SLC5A4: variants seen among roughly 807,000 people sequenced by gnomAD.
The protein encoded by SLC5A4 is solute carrier family 5 member 4.
SLC5A4 carries 55 observed loss-of-function variants against 70.3 expected under a neutral mutation model. The ratio of observed to expected loss-of-function variants is 0.78; its 90% CI spans 0.63 to 0.98. The LOEUF (loss-of-function observed/expected upper bound fraction) is 0.98. SLC5A4 is among the 50% of genes least tolerant of loss of function. The pLI, the probability that SLC5A4 is intolerant of heterozygous loss-of-function variation, is 0.00. For missense variants in SLC5A4, 735 were observed against 839.2 expected, an observed-to-expected ratio of 0.88 and a Z score of 1.53; for synonymous variants, 268 against 305.7, an observed-to-expected ratio of 0.88 and a Z score of 1.29.
the SLC5A4 span, chr22:32,271,645 A>G: frequency 1.6e-6 from 1 of 610,844 alleles, no homozygotes; most frequent in Non-Finnish European, 3.0e-6. Flanking sequence ...GCGGCCCCTC[A>G]CCTCACTGGC....
upstream of SLC5A4, among the ~76,000 whole-genome samples, chr22:32,257,920 T>G (rs1442187165): frequency 6.6e-6 from 1 of 151,936 alleles, no homozygotes; most frequent in East Asian, 1.9e-4. Flanking sequence ...TTCTCCCGCC[T>G]TGGCCTCCCA....
chr22:32,305,202 A>G, the SLC5A4 span, among the ~76,000 whole-genome samples: 8 of 149,552 alleles, frequency 5.3e-5, no homozygotes, highest in East Asian at 8.3e-4. Context: ...CTCTTTAAAA[A>G]TTTTCCTGTA....
At chr22:32,256,967 A>C (rs1927517560), upstream of SLC5A4, among the ~76,000 whole-genome samples, 1 of 152,214 alleles carries the variant, frequency 6.6e-6, no homozygotes, top group Admixed American at 6.5e-5. Context: ...TTCTGTGTTT[A>C]ACTTTTTGTA....
chr22:32,268,999 G>A, the SLC5A4 span, among the ~76,000 whole-genome samples: 675 of 152,206 alleles, frequency 4.4e-3, 3 homozygotes, highest in Non-Finnish European at 7.9e-3. Context: ...GGGTTCAAGC[G>A]ATTCTGCCTC....
At chr22:32,344,151 G>A in the SLC5A4 span, among the ~76,000 whole-genome samples, 1 of 152,100 alleles carries the variant, frequency 6.6e-6, no homozygotes, top group African/African-American at 2.4e-5. Flanking sequence ...AAAAGACATC[G>A]CTGGGTTCAA....
chr22:32,230,551 A>G (rs1925687675), intron 10 of SLC5A4, among the ~76,000 whole-genome samples: 1 of 152,160 alleles, frequency 6.6e-6, no homozygotes, highest in South Asian at 2.1e-4. Context: ...TTTGGTTATC[A>G]CTAGCCCCAA....
At chr22:32,331,714 GC>G in the SLC5A4 span, among the ~76,000 whole-genome samples, 1 of 152,104 alleles carries the variant, frequency 6.6e-6, no homozygotes, top group African/African-American at 2.4e-5. Context: ...GGCATGGGAA[GC>G]AAGGGACATC....
At chr22:32,307,214 A>T in the SLC5A4 span, among the ~76,000 whole-genome samples, 1 of 152,094 alleles carries the variant, frequency 6.6e-6, no homozygotes. Flanking sequence ...TGTTAAGGGC[A>T]AATCTGTCAG....
the SLC5A4 span, among the ~76,000 whole-genome samples, chr22:32,317,680 G>C: frequency 1.3e-5 from 2 of 152,130 alleles, no homozygotes; most frequent in Non-Finnish European, 2.9e-5. Context: ...TGCCCAGGCT[G>C]ATCTTGATCT....
chr22:32,251,543 A>G (rs1927159272), intron 3 of SLC5A4, among the ~76,000 whole-genome samples: 1 of 146,408 alleles, frequency 6.8e-6, no homozygotes, highest in African/African-American at 2.6e-5. Context: ...CTCGTGCCCT[A>G]TTGCCCTTCC....
At chr22:32,241,151 G>A (rs1926486486) in intron 5 of SLC5A4, among the ~76,000 whole-genome samples, 1 of 152,224 alleles carries the variant, frequency 6.6e-6, no homozygotes, top group Non-Finnish European at 1.5e-5. Context: ...GAAACTTAGA[G>A]TTAGACATCT....
chr22:32,268,927 C>T, the SLC5A4 span, among the ~76,000 whole-genome samples: 2 of 152,192 alleles, frequency 1.3e-5, no homozygotes, highest in African/African-American at 4.8e-5. Flanking sequence ...GACAGAGTTT[C>T]GCTCTTTCGC....
the SLC5A4 span, among the ~76,000 whole-genome samples, chr22:32,262,555 G>C: frequency 6.9e-4 from 105 of 152,266 alleles, 2 homozygotes; most frequent in South Asian, 0.015. Context: ...CTTCTTTATC[G>C]ACAAGTTTTT....
upstream of SLC5A4, among the ~76,000 whole-genome samples, chr22:32,255,656 G>A (rs1401233308): frequency 3.9e-5 from 6 of 152,128 alleles, no homozygotes; most frequent in Non-Finnish European, 4.4e-5. Context: ...AGACAGACAA[G>A]GAGGGGAGAA....
the SLC5A4 span, among the ~76,000 whole-genome samples, chr22:32,354,241 A>C: frequency 7.7e-6 from 1 of 130,446 alleles, no homozygotes; most frequent in African/African-American, 3.0e-5. Flanking sequence ...CTCCCAATAA[A>C]TCCTGCTATC....
chr22:32,330,198 T>C, the SLC5A4 span, among the ~76,000 whole-genome samples: 5 of 64,628 alleles, frequency 7.7e-5, no homozygotes, highest in Middle Eastern at 6.3e-3. Flanking sequence ...GTATGTGTGT[T>C]GGGCCCTGTG....
rs1275658965 is a variant in SLC5A4 at position 32,225,741 on chromosome 22, A to G, written c.1363T>C (p.Tyr455His). Reference sequence around the variant, plus strand: ...AGGTAGCTAGAAATTGATTCTGTGTAATGGATTAGTTGTCCATTTTGAGAA... The same window carrying G: ...AGGTAGCTAGAAATTGATTCTGTGTGATGGATTAGTTGTCCATTTTGAGAA... ...QVSQNGQLIH[Y>H]TESISSYLGP... Residue 455 changes from tyrosine (Y) to histidine (H), a missense_variant, in exon 12 of 15, where the codon TAC becomes CAC. Coordinates refer to ENST00000266086, the MANE Select transcript of SLC5A4 (RefSeq NM_014227.3). The G allele has an allele frequency of 6.2e-7, 1 of 1,612,578 alleles. No individual in the cohort carries two copies. The highest frequency in any genetic ancestry group is 1.7e-5 in the Admixed American group (1 of 60,016).
At chr22:32,242,814 C>G (rs1336858998) in intron 5 of SLC5A4, among the ~76,000 whole-genome samples, 1 of 152,210 alleles carries the variant, frequency 6.6e-6, no homozygotes, top group Non-Finnish European at 1.5e-5. Context: ...GAAGGGAAGA[C>G]TCCTGCCCTC....
intron 12 of SLC5A4, among the ~76,000 whole-genome samples, chr22:32,225,068 C>T (rs148319239): frequency 6.6e-6 from 1 of 152,280 alleles, no homozygotes; most frequent in East Asian, 1.9e-4. Flanking sequence ...ATGTGGAAAG[C>T]ACATAGATAC....
Sources: gnomAD v4.1 joint callset for allele counts (sites outside exome capture counted in the v4.1 genomes callset) on GRCh38, gnomAD v4.1.1 for gene constraint, MANE v1.5 for transcripts, NCBI Gene and HGNC (gene_info 2026-07-23, HGNC 2026-07-21) for gene names.